COMMD1: variants seen among roughly 807,000 people sequenced by gnomAD.
The protein encoded by COMMD1 is copper metabolism domain containing 1.
COMMD1 carries 10 observed loss-of-function variants against 17.2 expected under a neutral mutation model. The ratio of observed to expected loss-of-function variants is 0.58; its 90% confidence interval spans 0.36 to 0.99. The LOEUF is 0.99. Ranked by LOEUF, COMMD1 falls within the 50% of genes least tolerant of loss-of-function variation. The pLI, the probability that COMMD1 is intolerant of heterozygous loss-of-function variation, is 0.01. For synonymous variants in COMMD1, 97 were observed against 91.6 expected, an observed-to-expected ratio of 1.06 and a Z score of -0.34; for missense variants, 270 against 231.8, an observed-to-expected ratio of 1.17 and a Z score of -1.07.
chr2:62,020,145 T>C (rs144835448), intron 2 of COMMD1, among the ~76,000 whole-genome samples: 465 of 152,316 alleles, frequency 3.1e-3, no homozygotes, highest in African/African-American at 0.01. Context: ...TGAAGACCTG[T>C]GAAACTAAAG....
intron 1 of COMMD1, among the ~76,000 whole-genome samples, chr2:61,977,707 C>T (rs999556672): frequency 6.6e-6 from 1 of 151,916 alleles, no homozygotes; most frequent in African/African-American, 2.4e-5. Flanking sequence ...TGACATTGGG[C>T]CCAGTGTGGT....
intron 1 of COMMD1, among the ~76,000 whole-genome samples, chr2:61,916,709 A>G (rs763767656): frequency 9.9e-5 from 15 of 152,210 alleles, no homozygotes; most frequent in Middle Eastern, 3.4e-3. Context: ...TTACAGGCAT[A>G]AGCCACCATG....
chr2:61,890,587 T>G lies in COMMD1; in HGVS notation n.119+1745T>G, dbSNP rs540476994. On this transcript the variant is annotated intron_variant and non_coding_transcript_variant, in intron 1 of 2. Transcript: ENST00000472729. ...CTGGCTCAGTAGCTCACGCCTGTAA[T>G]CCCAGCACTTTGGGAGGCCGAGGTG... Among the ~76,000 whole-genome samples the G allele has an allele frequency of 6.6e-5, 10 of 152,140 alleles. 1 individual carries two copies. Among genetic ancestry groups the G allele is most frequent in the Admixed American group, 2.6e-4 (4 of 15,280 alleles).
chr2:62,115,860 CTTTTTT>C (rs1240965232), intron 2 of COMMD1, among the ~76,000 whole-genome samples: 1 of 43,368 alleles, frequency 2.3e-5, no homozygotes, highest in East Asian at 5.3e-4. Flanking sequence ...TTCTTTCTTT[CTTTTTT>C]TTTTTTTTTT....
intron 2 of COMMD1, among the ~76,000 whole-genome samples, chr2:62,132,312 C>T (rs1454779485): frequency 6.6e-6 from 1 of 152,154 alleles, no homozygotes; most frequent in Non-Finnish European, 1.5e-5. Flanking sequence ...ACTAATGATC[C>T]CTTAGAAAAG....
At position 61,892,552 on chromosome 2, in the gene COMMD1, G is replaced by A. The variant is rs527344037; in HGVS notation, n.119+3710G>A. ...TACTAAAAATACAAAAAATTAGCCC[G>A]GTGTTGTGGCATGCACCTGTATTCC... is the stretch of plus-strand genomic sequence containing the variant. On this transcript the variant is annotated intron_variant and non_coding_transcript_variant, in intron 1 of 2. Transcript: ENST00000472729. 2.9e-4 allele frequency among the ~76,000 whole-genome samples: 44 copies of A among 151,984 alleles called. No homozygotes were observed. In the East Asian group the frequency reaches 5.5e-3, roughly 19 times the overall value.
At chr2:62,077,729 G>A (rs942179964) in intron 2 of COMMD1, among the ~76,000 whole-genome samples, 5 of 151,996 alleles carry the variant, frequency 3.3e-5, no homozygotes, top group Non-Finnish European at 5.9e-5. Flanking sequence ...GTCATGGCCC[G>A]TGACACAGCT....
intron 2 of COMMD1, among the ~76,000 whole-genome samples, chr2:62,123,163 A>G (rs762072661): frequency 3.9e-5 from 6 of 152,122 alleles, no homozygotes; most frequent in Admixed American, 1.3e-4. Context: ...ATTCAAGACC[A>G]GCCTGGGCAA....
At chr2:62,122,439 C>CTTTCT (rs1558608550) in intron 2 of COMMD1, among the ~76,000 whole-genome samples, 4 of 136,574 alleles carry the variant, frequency 2.9e-5, no homozygotes, top group African/African-American at 1.2e-4. Flanking sequence ...AAGTTTCTTT[C>CTTTCT]TTTTCTTTTT....
intron 1 of COMMD1, among the ~76,000 whole-genome samples, chr2:61,931,069 TG>T (rs1670454550): frequency 6.6e-6 from 1 of 152,078 alleles, no homozygotes; most frequent in African/African-American, 2.4e-5. Context: ...CCTCGCACTT[TG>T]GGAGGCTGAT....
chr2:61,888,630 C>G (rs1403544522), upstream of COMMD1: 15 of 1,227,050 alleles, frequency 1.2e-5, no homozygotes, highest in Non-Finnish European at 1.6e-5. Context: ...GCGGCGCCGG[C>G]GTCGGGAGGA....
intron 1 of COMMD1, among the ~76,000 whole-genome samples, chr2:61,921,021 A>G (rs1478654977): frequency 6.8e-6 from 1 of 146,922 alleles, no homozygotes; most frequent in African/African-American, 2.5e-5. Flanking sequence ...TCTGTCACTG[A>G]GGCTGGAGTA....
At chr2:62,121,921 A>G (rs1438378916) in intron 2 of COMMD1, among the ~76,000 whole-genome samples, 1 of 152,044 alleles carries the variant, frequency 6.6e-6, no homozygotes, top group Admixed American at 6.5e-5. Context: ...CCTCTTAACT[A>G]GCTAGGACTA....
chr2:62,106,848 CTG>C (rs759937475), intron 2 of COMMD1, among the ~76,000 whole-genome samples: 3 of 152,190 alleles, frequency 2.0e-5, no homozygotes, highest in Non-Finnish European at 2.9e-5. Flanking sequence ...GTGTGAGAGA[CTG>C]TAAATCAAGA....
At chr2:61,907,435 CTT>C (rs1669801146) in intron 1 of COMMD1, among the ~76,000 whole-genome samples, 1 of 152,156 alleles carries the variant, frequency 6.6e-6, no homozygotes, top group Non-Finnish European at 1.5e-5. Context: ...AAATTTTACT[CTT>C]TGAGCAGTCC....
At chr2:61,904,131 C>T (rs1210412837), upstream of COMMD1, among the ~76,000 whole-genome samples, 2 of 152,062 alleles carry the variant, frequency 1.3e-5, no homozygotes, top group East Asian at 3.9e-4. Context: ...CTGCCCCAGC[C>T]TCCCGAGTAG....
chr2:61,982,044 G>A (rs577711160), intron 1 of COMMD1, among the ~76,000 whole-genome samples: 343 of 152,258 alleles, frequency 2.3e-3, no homozygotes, highest in South Asian at 3.7e-3. Context: ...TATTTTGATA[G>A]GGATTGCATT....
At chr2:61,911,926 A>G (rs1448475226) in intron 1 of COMMD1, among the ~76,000 whole-genome samples, 4 of 152,034 alleles carry the variant, frequency 2.6e-5, no homozygotes, top group Non-Finnish European at 4.4e-5. Flanking sequence ...TTATTTAATC[A>G]TGTGAAGTGT....
intron 1 of COMMD1, among the ~76,000 whole-genome samples, chr2:61,969,599 T>C (rs1671594157): frequency 6.6e-6 from 1 of 152,194 alleles, no homozygotes; most frequent in Admixed American, 6.6e-5. Flanking sequence ...AATTGAACTG[T>C]TGTTAGTTCT....
Sources: allele counts gnomAD v4.1 joint callset (sites outside exome capture counted in the v4.1 genomes callset), GRCh38; gene constraint gnomAD v4.1.1; transcripts MANE v1.5; gene names NCBI Gene and HGNC (gene_info 2026-07-23, HGNC 2026-07-21).